Variants in IQGAP2 observed in about 807,000 individuals in gnomAD.
IQGAP2 encodes the protein ras GTPase-activating-like protein IQGAP2.
Under a neutral mutation model 201.3 loss-of-function variants are expected in IQGAP2, and 173 were observed. The ratio of observed to expected loss-of-function variants is 0.86; its 90% CI spans 0.76 to 0.98. The LOEUF (loss-of-function observed/expected upper bound fraction) is 0.98, where lower values mean the gene tolerates loss of function less well. Among genes scored for constraint, IQGAP2 ranks in the 50% least tolerant of loss-of-function variants. IQGAP2 has a pLI of 0.00. For synonymous variants in IQGAP2, 675 were observed against 673.9 expected, an observed-to-expected ratio of 1.00 and a Z score of -0.03; for missense variants, 1,687 against 1,864.8, an observed-to-expected ratio of 0.90 and a Z score of 1.76.
chr5:76,504,986 A>G (rs1407459220), intron 2 of IQGAP2, among the ~76,000 whole-genome samples: 1 of 150,392 alleles, frequency 6.6e-6, no homozygotes, highest in African/African-American at 2.5e-5. Flanking sequence ...AATCCACCCC[A>G]CCTCCCCACT....
chr5:76,626,928 A>G (rs561777211), intron 13 of IQGAP2, among the ~76,000 whole-genome samples: 60 of 152,212 alleles, frequency 3.9e-4, no homozygotes, highest in African/African-American at 1.4e-3. Flanking sequence ...AGGAAGGGGG[A>G]AGTAAACGGG....
intron 2 of IQGAP2, chr5:76,510,740 C>T (rs1757911918): frequency 3.9e-6 from 2 of 508,392 alleles, no homozygotes; most frequent in East Asian, 5.6e-5. Flanking sequence ...AAGGGTGTAC[C>T]TGGGGGCACC....
At chr5:76,590,251 C>G (rs2150307791) in intron 7 of IQGAP2, among the ~76,000 whole-genome samples, 157 bp from the exon 8 acceptor site, 1 of 152,320 alleles carries the variant, frequency 6.6e-6, no homozygotes, top group East Asian at 1.9e-4. Context: ...GAGAGGTTGT[C>G]AGGTGCTCCA....
chr5:76,609,232 T>C (rs1344172150), intron 12 of IQGAP2: 1 of 1,535,696 alleles, frequency 6.5e-7, no homozygotes, highest in African/African-American at 1.4e-5. Flanking sequence ...GTTTTAAAGG[T>C]ATTTAGAACA....
At chr5:76,423,407 G>T (rs942461410) in intron 1 of IQGAP2, among the ~76,000 whole-genome samples, 8 of 152,176 alleles carry the variant, frequency 5.3e-5, no homozygotes, top group Non-Finnish European at 1.0e-4. Context: ...TGGATCACGA[G>T]ATCAGGAGTT....
At chr5:76,441,031 CA>C (rs112796247) in intron 1 of IQGAP2, among the ~76,000 whole-genome samples, 3,542 of 104,012 alleles carry the variant, frequency 0.034, 42 homozygotes, top group African/African-American at 0.044. Flanking sequence ...GACTCAGTCT[CA>C]AAAAAAAAAA....
At chr5:76,672,286 C>T (rs570785590) in intron 24 of IQGAP2, among the ~76,000 whole-genome samples, 108 of 151,628 alleles carry the variant, frequency 7.1e-4, no homozygotes, top group Non-Finnish European at 9.3e-4. Context: ...CCTGATAATA[C>T]GTACTTTTCT....
Position 76,637,091 on chromosome 5 carries a change from A to G in IQGAP2, c.1838A>G (p.Tyr613Cys). 6.2e-7 allele frequency: 1 copy of G among 1,611,762 alleles called. No homozygotes were observed. Among genetic ancestry groups the G allele is most frequent in the South Asian group, 1.1e-5 (1 of 90,922 alleles). ...CTGCACAAAAAATATGACTACTATT[A>G]CAACACTGATTCAAAAGAGAGTTCC... ...LNLHKKYDYY[Y>C]NTDSKESSWV... The change falls in exon 16 of 36, where the codon TAC (tyrosine) becomes TGC (cysteine). Residue 613 changes from tyrosine (Y) to cysteine (C), a missense_variant. Tyr to Cys is a radical substitution (Grantham distance 194). Coordinates refer to ENST00000274364, the MANE Select transcript of IQGAP2 (RefSeq NM_006633.5).
intron 23 of IQGAP2, 142 bp downstream of exon 23, chr5:76,668,986 C>T (rs1580773350): frequency 1.9e-6 from 1 of 530,176 alleles, no homozygotes; most frequent in Middle Eastern, 4.9e-4. Context: ...CTTGAGAATA[C>T]TTCTATATTA....
At chr5:76,556,429 T>A (rs1743952102) in intron 2 of IQGAP2, among the ~76,000 whole-genome samples, 1 of 152,172 alleles carries the variant, frequency 6.6e-6, no homozygotes. Context: ...TGCTGGCTGC[T>A]CTTTGATAGA....
At chr5:76,503,662 GC>G (rs1283506949) in intron 2 of IQGAP2, among the ~76,000 whole-genome samples, 17 of 151,816 alleles carry the variant, frequency 1.1e-4, no homozygotes, top group Non-Finnish European at 2.2e-4. Flanking sequence ...CATGATCTCG[GC>G]TCACTGCAAT....
At chr5:76,534,378 C>T (rs1032799139) in intron 2 of IQGAP2, among the ~76,000 whole-genome samples, 2 of 152,156 alleles carry the variant, frequency 1.3e-5, no homozygotes, top group African/African-American at 4.8e-5. Context: ...CACCCAACAT[C>T]CTTTGACCGG....
chr5:76,658,734 A>G lies in IQGAP2; in HGVS notation c.2529+67A>G, dbSNP rs1228895283. The G allele has an allele frequency of 8.4e-6, 11 of 1,307,434 alleles. No homozygotes were observed. In the South Asian group the frequency reaches 1.2e-4, roughly 15 times the overall value. 81.0% of individuals were successfully genotyped at this position (1,307,434 alleles called of 1,614,324 possible). A position where few individuals can be genotyped will look rare whatever the true frequency, so the allele number is the denominator to read the frequency against. ...AGACGCCTACATACAGTCAAGAGTC[A>G]CTTAATGACAGGGATACATTCTCAG... On this transcript the variant is annotated intron_variant, in intron 21 of 35. Coordinates refer to ENST00000274364, the MANE Select transcript of IQGAP2 (RefSeq NM_006633.5).
chr5:76,435,454 C>A (rs1236002159), intron 1 of IQGAP2, among the ~76,000 whole-genome samples: 1 of 152,076 alleles, frequency 6.6e-6, no homozygotes, highest in Non-Finnish European at 1.5e-5. Flanking sequence ...AATAGGGTAT[C>A]CTTTTCCAGT....
At chr5:76,448,841 A>G (rs1753558376) in intron 1 of IQGAP2, among the ~76,000 whole-genome samples, 1 of 152,210 alleles carries the variant, frequency 6.6e-6, no homozygotes, top group South Asian at 2.1e-4. Flanking sequence ...TCAGTGACTT[A>G]ACAATTGATG....
chr5:76,522,430 A>G (rs1009079726), intron 2 of IQGAP2, among the ~76,000 whole-genome samples: 2 of 151,862 alleles, frequency 1.3e-5, no homozygotes, highest in Non-Finnish European at 2.9e-5. Context: ...TGATCCACCC[A>G]CCTCGGCCTC....
chr5:76,536,139 G>C (rs1399953403), intron 2 of IQGAP2, among the ~76,000 whole-genome samples: 1 of 140,834 alleles, frequency 7.1e-6, no homozygotes, highest in African/African-American at 2.7e-5. Context: ...CACAATCTCG[G>C]CTCACTGCAA....
chr5:76,465,400 G>T, intron 2 of IQGAP2, among the ~76,000 whole-genome samples: 1 of 152,158 alleles, frequency 6.6e-6, no homozygotes, highest in East Asian at 1.9e-4. Flanking sequence ...GAATAGAAGA[G>T]AATTTCAACC....
At chr5:76,656,191 T>A (rs1303182721) in intron 20 of IQGAP2, among the ~76,000 whole-genome samples, 1 of 149,420 alleles carries the variant, frequency 6.7e-6, no homozygotes, top group Admixed American at 6.7e-5. Context: ...TTTGGGGTTT[T>A]TTGTTGGTTT....
Sources: gnomAD v4.1 joint callset for allele counts (sites outside exome capture counted in the v4.1 genomes callset) on GRCh38, gnomAD v4.1.1 for gene constraint, MANE v1.5 for transcripts, NCBI Gene and HGNC (gene_info 2026-07-23, HGNC 2026-07-21) for gene names.